Variants in PSORS1C1 observed in about 807,000 individuals in gnomAD.
PSORS1C1 encodes the protein psoriasis susceptibility 1 candidate 1.
Under a neutral mutation model 9.4 loss-of-function variants are expected in PSORS1C1, and 7 were observed. The ratio of observed to expected loss-of-function variants is 0.75; its 90% CI spans 0.42 to 1.40. PSORS1C1 has a LOEUF of 1.40. Among genes scored for constraint, PSORS1C1 ranks in the 40% most tolerant of loss-of-function variants. The probability of loss-of-function intolerance (pLI) is 0.01; values close to 1 mark genes in which losing one functional copy is unlikely to be tolerated. For synonymous variants in PSORS1C1, 63 were observed against 69.4 expected (o/e 0.91, Z 0.46); for missense variants, 146 against 178.1 (o/e 0.82, Z 1.02).
intron 1 of PSORS1C1, among the ~76,000 whole-genome samples, chr6:31,121,296 C>T (rs1279814931): frequency 1.3e-5 from 2 of 152,132 alleles, no homozygotes; most frequent in African/African-American, 4.8e-5. Flanking sequence ...GTAACCCAGA[C>T]CTCAAGGGTG....
chr6:31,130,261 A>ATT (rs9281217), intron 3 of PSORS1C1, among the ~76,000 whole-genome samples: 27 of 142,808 alleles, frequency 1.9e-4, no homozygotes, highest in East Asian at 6.1e-4. Flanking sequence ...CCTAGGCACA[A>ATT]TTTTTTTTTT....
intron 1 of PSORS1C1, chr6:31,116,997 GC>G: frequency 6.2e-7 from 1 of 1,614,230 alleles, no homozygotes; most frequent in Non-Finnish European, 8.5e-7. Flanking sequence ...TTTGGCCACT[GC>G]TGGATACCCC....
In PSORS1C1 at chr6:31,138,756, C is replaced by T. The variant is rs779808910; in HGVS notation, c.144C>T (p.His48=). The T allele has an allele frequency of 2.5e-4, 398 of 1,614,044 alleles. 1 individual carries two copies. The highest frequency in any genetic ancestry group is 3.3e-4 in the Non-Finnish European group (392 of 1,180,026). The stretch of plus-strand genomic sequence containing the variant: ...ACGTTAATCCTGACCGACTTTGCCA[C>T]ATGGAGCCAGCAAACCATTTCTGGT... ...PPHVNPDRLC[H]MEPANHFWHA... Residue 48 remains histidine (H), a synonymous_variant, in exon 5 of 6, where the codon CAC becomes CAT. Transcript: ENST00000259881.
chr6:31,131,636 A>C (rs1772917421), intron 3 of PSORS1C1, among the ~76,000 whole-genome samples: 1 of 145,976 alleles, frequency 6.9e-6, no homozygotes, highest in Non-Finnish European at 1.5e-5. Context: ...GGGATGATGT[A>C]GTGGTTAAAA....
At chr6:31,138,231 G>T in intron 3 of PSORS1C1, 199 bp from the exon 4 acceptor site, 1 of 1,566,944 alleles carries the variant, frequency 6.4e-7, no homozygotes, top group Non-Finnish European at 8.6e-7. Context: ...GGGGCCCTGA[G>T]GCAATGTTGG....
chr6:31,116,515 A>G (rs1381689243), intron 1 of PSORS1C1: 8 of 1,612,718 alleles, frequency 5.0e-6, no homozygotes, highest in Non-Finnish European at 6.8e-6. Flanking sequence ...CTGGAATGCA[A>G]TGGCCGAGGA....
At chr6:31,127,915 G>T (rs1772756331) in intron 2 of PSORS1C1, among the ~76,000 whole-genome samples, 1 of 152,176 alleles carries the variant, frequency 6.6e-6, no homozygotes, top group African/African-American at 2.4e-5. Context: ...TCCTACTACA[G>T]ATACCTTGTA....
At chr6:31,119,302 T>C (rs1347195683) in intron 1 of PSORS1C1, among the ~76,000 whole-genome samples, 1 of 152,160 alleles carries the variant, frequency 6.6e-6, no homozygotes, top group Non-Finnish European at 1.5e-5. Context: ...ACCCCAGCTG[T>C]GCCAATTCCC....
rs575272754 is a variant in PSORS1C1 at position 31,129,419 on chromosome 6, C to A, written c.-64-150C>A. 1.8e-4 allele frequency: 105 copies of A among 579,342 alleles called. 2 individuals are homozygous for A. Among genetic ancestry groups the A allele is most frequent in the South Asian group, 1.5e-3 (75 of 49,744 alleles). 35.9% of individuals were successfully genotyped at this position (579,342 alleles called of 1,614,324 possible). A position where few individuals can be genotyped will look rare whatever the true frequency, so the allele number is the denominator to read the frequency against. On this transcript the variant is annotated intron_variant, in intron 2 of 5. Transcript: ENST00000259881. ...ATGGGTTTCCCTCTGCAAATACCTCCATACCATCCAGGCCCACTCAGTCTC... is the reference window on the plus strand; with the variant it reads ...ATGGGTTTCCCTCTGCAAATACCTCAATACCATCCAGGCCCACTCAGTCTC...
intron 1 of PSORS1C1, chr6:31,117,366 G>A: frequency 6.3e-7 from 1 of 1,576,390 alleles, no homozygotes; most frequent in Non-Finnish European, 8.6e-7. Flanking sequence ...CACCACCAGA[G>A]CTTCTGGCAC....
At position 31,138,415 on chromosome 6, in the gene PSORS1C1, C is replaced by A; in HGVS notation, c.14-15C>A. 6.3e-7 allele frequency: 1 copy of A among 1,592,010 alleles called. No homozygotes were observed. Among genetic ancestry groups the A allele is most frequent in the African/African-American group, 1.4e-5 (1 of 73,806 alleles). ...CCTGTCTGGATGGACGCAGCCTGAACTGACCCACAAACAGACCAAAAAAGT... is the reference window on the plus strand; with the variant it reads ...CCTGTCTGGATGGACGCAGCCTGAAATGACCCACAAACAGACCAAAAAAGT... On this transcript the variant is annotated splice_polypyrimidine_tract_variant and intron_variant, in intron 3 of 5. Transcript: ENST00000259881.
At chr6:31,130,504 C>T (rs978543310) in intron 3 of PSORS1C1, among the ~76,000 whole-genome samples, 1 of 151,922 alleles carries the variant, frequency 6.6e-6, no homozygotes, top group Non-Finnish European at 1.5e-5. Context: ...GTCCGCCTCC[C>T]GGGTTCACGC....
chr6:31,125,799 AC>A lies in PSORS1C1; in HGVS notation c.-100del. The A allele has an allele frequency of 6.6e-6, 1 of 151,816 alleles. No homozygotes were observed. The highest frequency in any genetic ancestry group is 1.5e-5 in the Non-Finnish European group (1 of 67,952). The allele number at this position is 151,816 out of a possible 1,614,324, so 9.4% of individuals were successfully genotyped here. On this transcript the variant is annotated 5_prime_UTR_variant, in exon 2 of 6. It introduces an in-frame stop codon into an upstream open reading frame of the 5' UTR. Transcript: ENST00000259881. ...GCTTTGAAATGCAACAGAAACCATC[AC>A]CCCCGGACCGTGGGCTCCATGCCAG...
At chr6:31,138,596 C>G (rs1773282380) in intron 4 of PSORS1C1, 60 bp from the exon 5 acceptor site, 3 of 1,611,866 alleles carry the variant, frequency 1.9e-6, no homozygotes, top group African/African-American at 1.3e-5. Flanking sequence ...TTGGGGTACC[C>G]CACTAGCTTT....
chr6:31,131,748 T>A (rs1772922216), intron 3 of PSORS1C1, among the ~76,000 whole-genome samples: 1 of 152,228 alleles, frequency 6.6e-6, no homozygotes, highest in Non-Finnish European at 1.5e-5. Context: ...TAGGCCTGTT[T>A]CTGTCTTCTG....
chr6:31,130,174 G>A (rs372614518), intron 3 of PSORS1C1, among the ~76,000 whole-genome samples: 2 of 151,884 alleles, frequency 1.3e-5, no homozygotes, highest in Non-Finnish European at 2.9e-5. Context: ...CAGTTTGAGG[G>A]GTCCAGACCT....
chr6:31,137,152 AAAAG>A (rs199637340), intron 3 of PSORS1C1, among the ~76,000 whole-genome samples: 13,785 of 147,710 alleles, frequency 0.093, 683 homozygotes, highest in Middle Eastern at 0.15. Context: ...GTCTAAAAAA[AAAAG>A]AAAGAAAAAG....
At chr6:31,134,513 G>C (rs1355526741) in intron 3 of PSORS1C1, among the ~76,000 whole-genome samples, 1 of 152,050 alleles carries the variant, frequency 6.6e-6, no homozygotes, top group East Asian at 1.9e-4. Context: ...CACCATGTTA[G>C]CCAGGATGGT....
chr6:31,132,968 T>A (rs1772983609), intron 3 of PSORS1C1, among the ~76,000 whole-genome samples: 1 of 151,598 alleles, frequency 6.6e-6, no homozygotes, highest in African/African-American at 2.4e-5. Flanking sequence ...GACACCTTCA[T>A]ATTTGTCCAC....
Sources: gnomAD v4.1 joint callset for allele counts (sites outside exome capture counted in the v4.1 genomes callset) on GRCh38, gnomAD v4.1.1 for gene constraint, MANE v1.5 for transcripts, NCBI Gene and HGNC (gene_info 2026-07-23, HGNC 2026-07-21) for gene names.